The following TCHH variants were observed in gnomAD, a reference collection of about 807,000 sequenced individuals.
TCHH encodes trichohyalin.
A neutral mutation model predicts 6.3 loss-of-function variants in TCHH; 6 were observed. The observed-to-expected ratio is 0.95, with a 90% CI of 0.52 to 1.88. TCHH has a LOEUF of 1.88. Ranked by LOEUF, TCHH falls within the 40% of genes most tolerant of loss-of-function variation. The probability of loss-of-function intolerance (pLI) is 0.01; values close to 1 mark genes in which losing one functional copy is unlikely to be tolerated. For missense variants in TCHH, 2,920 were observed against 2,449.1 expected (o/e 1.19, Z -4.06); for synonymous variants, 1,087 against 963.6 (o/e 1.13, Z -2.37).
In TCHH at chr1:152,108,487, C is replaced by T. The variant is rs201199054; in HGVS notation, c.4730G>A (p.Arg1577His). ...REEQQLSRQE[R>H]DRKFRLEEQK... ...TTCCTCTAAACGGAATTTTCTGTCA[C>T]GCTCTTGGCGGCTCAGCTGCTGTTC... Residue 1577 changes from arginine (R) to histidine (H), a missense_variant, in exon 3 of 3, where the codon CGT (arginine) becomes CAT (histidine). Transcript: ENST00000614923. 1.9e-6 allele frequency: 3 copies of T among 1,612,216 alleles called. No individual in the cohort carries two copies. Among genetic ancestry groups the T allele is most frequent in the East Asian group, 2.2e-5 (1 of 44,632 alleles).
intron 1 of TCHH, 117 bp downstream of exon 1, chr1:152,115,274 C>T (rs969635895): frequency 1.3e-5 from 2 of 152,162 alleles, no homozygotes; most frequent in Admixed American, 1.3e-4. Flanking sequence ...TTATTTATCC[C>T]TGCAAAATAC....
chr1:152,110,609 G>C lies in TCHH; in HGVS notation c.2608C>G (p.Arg870Gly), dbSNP rs765888230. ...AGTTGCCACCTCCATTTTTGGTCGC[G>C]GCGCTGCTCCTGGCTTCGCCTCCTC... ...QERRRSQEQR[R>G]DQKWRWQLEE... The change falls in exon 3 of 3, where the codon CGC becomes GGC. Residue 870 changes from arginine to glycine, a missense_variant. Coordinates refer to ENST00000614923, the MANE Select transcript of TCHH (RefSeq NM_007113.4). 1.9e-6 allele frequency: 3 copies of C among 1,614,084 alleles called. No homozygotes were observed. Among genetic ancestry groups the C allele is most frequent in the Non-Finnish European group, 2.5e-6 (3 of 1,179,994 alleles).
Position 152,110,673 on chromosome 1 carries a change from C to T in TCHH, c.2544G>A (p.Gln848=), listed in dbSNP as rs1336575807. The T allele has an allele frequency of 6.2e-7, 1 of 1,613,292 alleles. No homozygotes were observed. Residue 848 remains glutamine (Q), a synonymous_variant, in exon 3 of 3, where the codon CAG becomes CAA. Transcript: ENST00000614923. ...GGAGGCCGTCCTCCTCCTCCTGGAG[C>T]TGTTGGGCACGCTCCCGCCGCTGGA... ...EQLQRRERAQ[Q]LQEEEDGLQE... is the part of the protein sequence containing the mutation.
chr1:152,110,693 G>A lies in TCHH; in HGVS notation c.2524C>T (p.Arg842Trp). Residue 842 changes from arginine to tryptophan, a missense_variant, in exon 3 of 3, where the codon CGG becomes TGG. Physicochemically the swap from Arg to Trp is moderately radical, Grantham distance 101. Transcript: ENST00000614923. ...QFLEEEEQLQ[R>W]RERAQQLQEE... is the part of the protein sequence containing the mutation. ...TGGAGCTGTTGGGCACGCTCCCGCC[G>A]CTGGAGCTGCTCCTCTTCCTCCAGG... 2 of 1,612,292 alleles carry A rather than the reference G, an allele frequency of 1.2e-6. No homozygotes were observed. The highest frequency in any genetic ancestry group is 1.7e-6 in the Non-Finnish European group (2 of 1,179,866).
In TCHH at chr1:152,108,527, G is replaced by T; in HGVS notation, c.4690C>A (p.Arg1564Ser). ...AGCTGCTGTTCCTCCCTCTCCTGGC[G>T]CAGCTGTTCCTCCTCGCGGAATTTT... Reference protein sequence around the residue: ...DRKFREEEQLRQEREEQQLSR... With the variant: ...DRKFREEEQLSQEREEQQLSR... The change falls in exon 3 of 3, where the codon CGC becomes AGC. Residue 1564 changes from arginine (R) to serine (S), a missense_variant. Transcript: ENST00000614923. The T allele has an allele frequency of 6.2e-7, 1 of 1,601,996 alleles. No homozygotes were observed.
Position 152,110,164 on chromosome 1 carries a change from C to T in TCHH, c.3053G>A (p.Arg1018Lys), listed in dbSNP as rs761918797. ...REKRRRQEWE[R>K]QYRKKDELQQ... ...CAGCTCGTCTTTTTTGCGGTACTGC[C>T]TCTCCCACTCCTGGCGCCTTCTCTT... Residue 1018 changes from arginine (R) to lysine (K), a missense_variant, in exon 3 of 3, where the codon AGG (arginine) becomes AAG (lysine). Physicochemically the swap from Arg to Lys is conservative, Grantham distance 26 (BLOSUM62 2). Transcript: ENST00000614923. The T allele has an allele frequency of 1.2e-5, 20 of 1,607,616 alleles. No homozygotes were observed. In the East Asian group the frequency reaches 3.8e-4, roughly 31 times the overall value.
rs747085218 is a variant in TCHH, at chr1:152,112,460, G to C, written c.757C>G (p.Leu253Val). 4 of 1,613,416 alleles carry C rather than the reference G, an allele frequency of 2.5e-6. No homozygotes were observed. In the African/African-American group the frequency reaches 5.3e-5, roughly 22 times the overall value. Residue 253 changes from leucine to valine, a missense_variant, in exon 3 of 3, where the codon CTC (leucine) becomes GTC (valine). Leu to Val is a conservative substitution (Grantham distance 32, BLOSUM62 1). Coordinates refer to ENST00000614923, the MANE Select transcript of TCHH (RefSeq NM_007113.4). ...EKEWRKRETV[L>V]RKEEEKLQEE... is the part of the protein sequence containing the mutation. ...TGCAACTTCTCTTCTTCCTTCCGGA[G>C]CACTGTCTCGCGCTTCCTCCACTCT...
chr1:152,111,164 G>C lies in TCHH; in HGVS notation c.2053C>G (p.Leu685Val). Residue 685 changes from leucine (L) to valine (V), a missense_variant, in exon 3 of 3, where the codon CTA becomes GTA. Physicochemically the swap from Leu to Val is conservative, Grantham distance 32. Transcript: ENST00000614923. ...EHEEERREQE[L>V]AEEEQEQARE... ...GCCTGTTCCTGCTCCTCCTCAGCTA[G>C]CTCCTGCTCGCGCCTCTCTTCCTCA... 1 of 1,613,816 alleles carries C rather than the reference G, an allele frequency of 6.2e-7. No individual in the cohort carries two copies. The highest frequency in any genetic ancestry group is 8.5e-7 in the Non-Finnish European group (1 of 1,180,014).
chr1:152,109,225 C>A lies in TCHH; in HGVS notation c.3992G>T (p.Arg1331Leu). ...LREEREEKRR[R>L]QETDRKFREE... is the part of the protein sequence containing the mutation. ...GCGGAATTTTCTGTCTGTCTCTTGACGGCGTCTCTTCTCTTCTCTTTCCTC... is the reference window on the plus strand; with the variant it reads ...GCGGAATTTTCTGTCTGTCTCTTGAAGGCGTCTCTTCTCTTCTCTTTCCTC... The change falls in exon 3 of 3, where the codon CGT becomes CTT. Residue 1331 changes from arginine (R) to leucine (L), a missense_variant. Arg to Leu is a moderately radical substitution (Grantham distance 102). Coordinates refer to ENST00000614923, the MANE Select transcript of TCHH (RefSeq NM_007113.4). 1.9e-6 allele frequency: 3 copies of A among 1,614,244 alleles called. No homozygotes were observed. The highest frequency in any genetic ancestry group is 1.3e-5 in the African/African-American group (1 of 75,068).
At position 152,112,849 on chromosome 1, in the gene TCHH, T is replaced by A; in HGVS notation, c.368A>T (p.Glu123Val). Residue 123 changes from glutamate to valine, a missense_variant, in exon 3 of 3, where the codon GAG (glutamate) becomes GTG (valine). Coordinates refer to ENST00000614923, the MANE Select transcript of TCHH (RefSeq NM_007113.4). The stretch of plus-strand genomic sequence containing the variant: ...TTCTTCCAGTTGTCTGTCCCGGGGC[T>A]CGAATCTCCTTTGGTCTTCTTCTTG... ...RRQEEDQRRF[E>V]PRDRQLEEEP... is the part of the protein sequence containing the mutation. 6.2e-7 allele frequency: 1 copy of A among 1,613,912 alleles called. No homozygotes were observed. The highest frequency in any genetic ancestry group is 1.3e-5 in the African/African-American group (1 of 74,936).
rs1053977069 is a variant in TCHH, at chr1:152,110,039, C to T, written c.3178G>A (p.Glu1060Lys). The T allele has an allele frequency of 1.2e-5, 20 of 1,608,236 alleles. No homozygotes were observed. Among genetic ancestry groups the T allele is most frequent in the Non-Finnish European group, 1.7e-5 (20 of 1,177,786 alleles). The part of the protein sequence containing the change: ...YREEEELQQE[E>K]EQLLGEERET... ...CGTTCCTCTCCCAGCAGCTGCTCTT[C>T]CTCCTGCTGCAGCTCCTCTTCCTCC... The change falls in exon 3 of 3, where the codon GAA becomes AAA. Residue 1060 changes from glutamate (E) to lysine (K), a missense_variant. Physicochemically the swap from Glu to Lys is moderately conservative, Grantham distance 56. Transcript: ENST00000614923.
In TCHH at chr1:152,108,592, C is replaced by T. The variant is rs548533493; in HGVS notation, c.4625G>A (p.Arg1542His). ...ACGCCGCTGTTGCCCGCGCTCCTGG[C>T]GGCGCAGCTGCTGTTCCTCCTGGAG... ...KFLQEEQQLR[R>H]QERGQQRRQD... is the part of the protein sequence containing the mutation. The change falls in exon 3 of 3, where the codon CGC becomes CAC. Residue 1542 changes from arginine (R) to histidine (H), a missense_variant. By Grantham distance (29) the Arg-to-His change is conservative. Transcript: ENST00000614923. The T allele has an allele frequency of 5.9e-5, 95 of 1,600,842 alleles. No individual in the cohort carries two copies. In the Middle Eastern group the frequency reaches 6.6e-4, roughly 11 times the overall value.
chr1:152,107,733 G>C lies in TCHH; in HGVS notation c.5484C>G (p.Leu1828=). 4 of 1,614,244 alleles carry C rather than the reference G, an allele frequency of 2.5e-6. No individual in the cohort carries two copies. The highest frequency in any genetic ancestry group is 1.1e-5 in the South Asian group (1 of 91,086). ...GCCTCTGCTCTTGTTCCTCAAGTTG[G>C]AGCTGCTCTTCTTCCCAGCGATACT... is the stretch of plus-strand genomic sequence containing the variant. ...DGKYRWEEEQ[L]QLEEQEQRLR... is the part of the protein sequence containing the mutation. The change falls in exon 3 of 3, where the codon CTC becomes CTG. Residue 1828 remains leucine, a synonymous_variant. Transcript: ENST00000614923.
In TCHH at chr1:152,108,898, C is replaced by T. The variant is rs767694280; in HGVS notation, c.4319G>A (p.Arg1440His). The part of the protein sequence containing the change: ...RKFREEEQQV[R>H]RQERERKFLE... The stretch of plus-strand genomic sequence containing the variant: ...GAATTTTCTCTCTCGTTCCTGGCGG[C>T]GCACCTGCTGTTCCTCTTCACGGAA... The change falls in exon 3 of 3, where the codon CGC (arginine) becomes CAC (histidine). Residue 1440 changes from arginine (R) to histidine (H), a missense_variant. By Grantham distance (29) the Arg-to-His change is conservative. Coordinates refer to ENST00000614923, the MANE Select transcript of TCHH (RefSeq NM_007113.4). 2.4e-5 allele frequency: 39 copies of T among 1,611,816 alleles called. No homozygotes were observed. In the South Asian group the frequency reaches 3.4e-4, roughly 14 times the overall value.
chr1:152,109,054 C>A lies in TCHH; in HGVS notation c.4163G>T (p.Arg1388Leu). 6.2e-7 allele frequency: 1 copy of A among 1,613,448 alleles called. No homozygotes were observed. Among genetic ancestry groups the A allele is most frequent in the Admixed American group, 1.7e-5 (1 of 59,972 alleles). ...EEEQRLRRQE[R>L]ERKFLKEEQQ... ...TTCCTCCTTAAGGAATTTTCTCTCC[C>A]GTTCCTGGCGGCGCAGCCGCTGTTC... The change falls in exon 3 of 3, where the codon CGG becomes CTG. Residue 1388 changes from arginine (R) to leucine (L), a missense_variant. By Grantham distance (102) the Arg-to-Leu change is moderately radical. Transcript: ENST00000614923.
rs1180706470 is a variant in TCHH at position 152,109,200 on chromosome 1, G to T, written c.4017C>A (p.Arg1339=). Residue 1339 remains arginine (R), a synonymous_variant, in exon 3 of 3, where the codon CGC becomes CGA. Coordinates refer to ENST00000614923, the MANE Select transcript of TCHH (RefSeq NM_007113.4). ...TTTCCTGGAGCAGCTGTTCCTCCTC[G>T]CGGAATTTTCTGTCTGTCTCTTGAC... ...RRRQETDRKF[R]EEEQLLQERE... is the part of the protein sequence containing the mutation. 1 of 1,614,104 alleles carries T rather than the reference G, an allele frequency of 6.2e-7. No homozygotes were observed. The highest frequency in any genetic ancestry group is 8.5e-7 in the Non-Finnish European group (1 of 1,180,022).
chr1:152,108,434 T>C lies in TCHH; in HGVS notation c.4783A>G (p.Arg1595Gly), dbSNP rs1658187857. The change falls in exon 3 of 3, where the codon AGA (arginine) becomes GGA (glycine). Residue 1595 changes from arginine (R) to glycine (G), a missense_variant. Physicochemically the swap from Arg to Gly is moderately radical, Grantham distance 125. Coordinates refer to ENST00000614923, the MANE Select transcript of TCHH (RefSeq NM_007113.4). ...EQKVRRQEQERKFMEDEQQLR... is the reference protein window; with the variant it reads ...EQKVRRQEQEGKFMEDEQQLR... ...TGCTGTTCGTCCTCCATGAATTTTC[T>C]CTCTTGTTCCTGGCGGCGCACTTTC... is the stretch of plus-strand genomic sequence containing the variant. 1.2e-6 allele frequency: 2 copies of C among 1,612,224 alleles called. No homozygotes were observed. The highest frequency in any genetic ancestry group is 2.2e-5 in the South Asian group (2 of 91,006).
intron 2 of TCHH, 97 bp from the exon 3 acceptor site, chr1:152,113,175 AAG>A: frequency 8.3e-7 from 1 of 1,211,500 alleles, no homozygotes. Flanking sequence ...GCTGACATTC[AAG>A]AGACATTCAG....
chr1:152,112,542 C>T lies in TCHH; in HGVS notation c.675G>A (p.Glu225=), dbSNP rs1658414185. ...LLELRRKGRE[E]KQQQRRERQD... is the part of the protein sequence containing the mutation. ...GCCGCTCTCGCCTTTGCTGCTGTTT[C>T]TCCTCGCGGCCCTTCCTCCTCAGCT... Residue 225 remains glutamate, a synonymous_variant, in exon 3 of 3, where the codon GAG becomes GAA. Transcript: ENST00000614923. 3 of 1,613,330 alleles carry T rather than the reference C, an allele frequency of 1.9e-6. No individual in the cohort carries two copies. Among genetic ancestry groups the T allele is most frequent in the South Asian group, 2.2e-5 (2 of 91,078 alleles).
Sources: gnomAD v4.1 joint callset for allele counts on GRCh38, gnomAD v4.1.1 for gene constraint, MANE v1.5 for transcripts, NCBI Gene and HGNC (gene_info 2026-07-23, HGNC 2026-07-21) for gene names.